Variants in HSF5 observed in about 807,000 individuals in gnomAD.
HSF5 encodes the protein heat shock transcription factor 5, also known as heat shock factor protein 5.
HSF5 carries 5 observed loss-of-function variants against 50.8 expected under a neutral mutation model. The ratio of observed to expected loss-of-function variants is 0.10; its 90% CI spans 0.05 to 0.21. The LOEUF is 0.21. Ranked by LOEUF, HSF5 falls within the 10% of genes least tolerant of loss-of-function variation. The pLI is 1.00. For missense variants in HSF5, 564 were observed against 762.6 expected (o/e 0.74, Z 3.07); for synonymous variants, 307 against 307.4 (o/e 1.00, Z 0.02).
chr17:58,450,556 C>A (rs1974625779), intron 5 of HSF5, among the ~76,000 whole-genome samples: 1 of 150,684 alleles, frequency 6.6e-6, no homozygotes, highest in East Asian at 2.0e-4. Context: ...GAGTTCGAGA[C>A]CAGCCTGACC....
intron 5 of HSF5, among the ~76,000 whole-genome samples, chr17:58,424,867 T>G (rs987359354): frequency 5.9e-5 from 9 of 152,118 alleles, no homozygotes; most frequent in Non-Finnish European, 1.0e-4. Flanking sequence ...TGAAATAAAC[T>G]AATCACAAAA....
intron 5 of HSF5, among the ~76,000 whole-genome samples, chr17:58,443,250 C>T (rs1453478778): frequency 1.3e-5 from 2 of 152,076 alleles, no homozygotes; most frequent in African/African-American, 2.4e-5. Flanking sequence ...CCCTGTGATC[C>T]ACCTGCCTTG....
intron 5 of HSF5, among the ~76,000 whole-genome samples, chr17:58,444,625 A>G (rs1004746028): frequency 6.6e-6 from 1 of 152,170 alleles, no homozygotes; most frequent in Non-Finnish European, 1.5e-5. Context: ...GACTATAACA[A>G]TCCTAGAAGA....
intron 4 of HSF5, among the ~76,000 whole-genome samples, chr17:58,459,455 G>C (rs1300953043): frequency 6.6e-6 from 1 of 152,070 alleles, no homozygotes; most frequent in Non-Finnish European, 1.5e-5. Context: ...CGACCAGCCT[G>C]GCCAGCATGG....
intron 5 of HSF5, among the ~76,000 whole-genome samples, chr17:58,447,720 G>A (rs1295980392): frequency 2.0e-5 from 3 of 152,112 alleles, no homozygotes; most frequent in Non-Finnish European, 4.4e-5. Flanking sequence ...CAGGCTTAGG[G>A]AACTCAACAG....
intron 5 of HSF5, among the ~76,000 whole-genome samples, chr17:58,439,320 G>A (rs375969447): frequency 3.3e-5 from 5 of 149,650 alleles, no homozygotes; most frequent in East Asian, 3.9e-4. Context: ...CAGAAAGAAC[G>A]TAGAGGAAAC....
intron 2 of HSF5, among the ~76,000 whole-genome samples, chr17:58,474,788 C>T (rs1279096701): frequency 6.6e-6 from 1 of 152,108 alleles, no homozygotes; most frequent in Non-Finnish European, 1.5e-5. Context: ...ACAATCATGG[C>T]TTACTGCAGC....
chr17:58,476,525 C>T (rs1192348046), intron 2 of HSF5: 2 of 1,313,428 alleles, frequency 1.5e-6, no homozygotes, highest in African/African-American at 2.9e-5. Context: ...AGATGAAATT[C>T]TTTGGACAGA....
intron 2 of HSF5, among the ~76,000 whole-genome samples, chr17:58,477,561 G>A (rs1332781381): frequency 1.3e-5 from 2 of 150,708 alleles, no homozygotes; most frequent in African/African-American, 4.9e-5. Context: ...CTGGGTTCAC[G>A]CCATTCTCCT....
intron 2 of HSF5, among the ~76,000 whole-genome samples, chr17:58,470,682 C>G (rs953560487): frequency 5.9e-5 from 9 of 152,186 alleles, no homozygotes; most frequent in Non-Finnish European, 1.2e-4. Flanking sequence ...AATCCCAGCA[C>G]TTTGGGAGGC....
At chr17:58,425,560 G>A (rs140795950) in intron 5 of HSF5, among the ~76,000 whole-genome samples, 45 of 92,030 alleles carry the variant, frequency 4.9e-4, no homozygotes, top group African/African-American at 1.0e-3. Flanking sequence ...GGGCAACATA[G>A]TAAGACCTCT....
chr17:58,457,584 A>G (rs529671623), intron 5 of HSF5, among the ~76,000 whole-genome samples: 10 of 152,234 alleles, frequency 6.6e-5, no homozygotes, highest in Admixed American at 2.0e-4. Context: ...GGCAACAGAG[A>G]AAGACTCTGT....
rs1212565650 is a variant in HSF5 at position 58,457,164 on chromosome 17, G to T, written c.1720+1604C>A. ...AATCCCAGCTACTCAGGAGGCTGAGGCAGGAGAATCACTTAAACCTGGGAG... is the reference window on the plus strand; with the variant it reads ...AATCCCAGCTACTCAGGAGGCTGAGTCAGGAGAATCACTTAAACCTGGGAG... On this transcript the variant is annotated intron_variant, in intron 5 of 5. Transcript: ENST00000323777. Among the ~76,000 whole-genome samples, 3 of 151,826 alleles carry T rather than the reference G, an allele frequency of 2.0e-5. No individual in the cohort carries two copies. The South Asian group carries it at 6.2e-4, about 32-fold the overall frequency.
intron 5 of HSF5, among the ~76,000 whole-genome samples, chr17:58,458,567 A>G (rs911979211): frequency 6.6e-6 from 1 of 152,228 alleles, no homozygotes; most frequent in Non-Finnish European, 1.5e-5. Context: ...TATATGCAAT[A>G]TTAAGAAAAT....
rs1352875104 is a variant in HSF5 at position 58,443,533 on chromosome 17, A to G, written c.1720+15235T>C. Among the ~76,000 whole-genome samples the G allele has an allele frequency of 2.0e-5, 3 of 152,160 alleles. No individual in the cohort carries two copies. In the East Asian group the frequency reaches 5.8e-4, roughly 29 times the overall value. On this transcript the variant is annotated intron_variant, in intron 5 of 5. Coordinates refer to ENST00000323777, the MANE Select transcript of HSF5 (RefSeq NM_001080439.3). ...TGCCTCAACCCATCCCCTACCAACC[A>G]ACCCCATCCCTCAGTCTCAAGCATC...
intron 5 of HSF5, among the ~76,000 whole-genome samples, chr17:58,434,360 C>G (rs1225605774): frequency 6.6e-6 from 1 of 151,772 alleles, no homozygotes; most frequent in African/African-American, 2.4e-5. Flanking sequence ...ACCATCCCGG[C>G]CAACAAGGTA....
chr17:58,437,590 C>A (rs980481545), intron 5 of HSF5, among the ~76,000 whole-genome samples: 7 of 152,126 alleles, frequency 4.6e-5, no homozygotes, highest in Non-Finnish European at 8.8e-5. Flanking sequence ...TCAGCTATAT[C>A]GTATATCTCC....
At chr17:58,459,025 C>T (rs1974753818) in intron 4 of HSF5, 80 bp from the exon 5 acceptor site, 2 of 1,247,966 alleles carry the variant, frequency 1.6e-6, no homozygotes, top group Non-Finnish European at 2.3e-6. Context: ...CAGAGGAGTT[C>T]TATTATGGGA....
At chr17:58,480,545 A>G (rs2143807350) in intron 1 of HSF5, among the ~76,000 whole-genome samples, 1 of 152,316 alleles carries the variant, frequency 6.6e-6, no homozygotes, top group South Asian at 2.1e-4. Flanking sequence ...ATTCAACATT[A>G]AAAGCCTTTT....
Sources: gnomAD v4.1 joint callset for allele counts (sites outside exome capture counted in the v4.1 genomes callset) on GRCh38, gnomAD v4.1.1 for gene constraint, MANE v1.5 for transcripts, NCBI Gene and HGNC (gene_info 2026-07-23, HGNC 2026-07-21) for gene names.